The following ANO10 variants were observed in gnomAD, a reference collection of about 807,000 sequenced individuals.
The protein encoded by ANO10 is anoctamin 10.
Under a neutral mutation model 74.7 loss-of-function variants are expected in ANO10, and 77 were observed. The observed-to-expected ratio is 1.03, with a 90% CI of 0.86 to 1.25. The LOEUF is 1.25. Among genes scored for constraint, ANO10 ranks in the 50% most tolerant of loss-of-function variants. The pLI is 0.00. For synonymous variants in ANO10, 279 were observed against 284.9 expected (o/e 0.98, Z 0.21); for missense variants, 721 against 778.1 (o/e 0.93, Z 0.87).
chr3:43,432,696 G>A lies in ANO10; in HGVS notation c.1829C>T (p.Ala610Val), dbSNP rs771653072. The change falls in exon 12 of 13, where the codon GCA becomes GTA. Residue 610 changes from alanine to valine, a missense_variant. Coordinates refer to ENST00000292246, the MANE Select transcript of ANO10 (RefSeq NM_018075.5). The part of the protein sequence containing the change: ...HALLALKFIL[A>V]FAIPDKPRHI... ...CCGTGGCTTATCAGGTATGGCAAAT[G>A]CAAGTATAAACTTTAAAGCCAGGAG... 1.4e-5 allele frequency: 23 copies of A among 1,613,690 alleles called. No individual in the cohort carries two copies. In the South Asian group the frequency reaches 1.4e-4, roughly 10 times the overall value.
At chr3:43,556,671 C>A (rs2079766083) in intron 9 of ANO10, among the ~76,000 whole-genome samples, 2 of 152,144 alleles carry the variant, frequency 1.3e-5, no homozygotes, top group South Asian at 4.1e-4. Flanking sequence ...ACACAATCTA[C>A]CCTATTCTCT....
chr3:43,544,808 A>T (rs1200543074), intron 11 of ANO10, among the ~76,000 whole-genome samples: 4 of 151,648 alleles, frequency 2.6e-5, no homozygotes, highest in Non-Finnish European at 4.4e-5. Context: ...AAAAAAAAAA[A>T]AAAAAAAAAG....
chr3:43,526,125 A>G (rs2078185713), intron 11 of ANO10, among the ~76,000 whole-genome samples: 1 of 152,240 alleles, frequency 6.6e-6, no homozygotes, highest in Non-Finnish European at 1.5e-5. Context: ...GAAACCTTAA[A>G]AAGGCTGCCA....
intron 11 of ANO10, among the ~76,000 whole-genome samples, chr3:43,482,846 C>T (rs2076324053): frequency 6.6e-6 from 1 of 152,046 alleles, no homozygotes; most frequent in African/African-American, 2.4e-5. Context: ...CACCACTGGG[C>T]AGGGTACAGG....
At chr3:43,538,834 C>T (rs2078832065) in intron 11 of ANO10, among the ~76,000 whole-genome samples, 1 of 152,018 alleles carries the variant, frequency 6.6e-6, no homozygotes, top group Non-Finnish European at 1.5e-5. Flanking sequence ...AGAGGCTGCT[C>T]CTGGTAAGGA....
chr3:43,604,100 C>T (rs1432735708), intron 2 of ANO10, among the ~76,000 whole-genome samples: 2 of 152,074 alleles, frequency 1.3e-5, no homozygotes, highest in African/African-American at 2.4e-5. Flanking sequence ...TTTTAATTGG[C>T]ATATAATAAT....
At chr3:43,469,026 A>G (rs1575952124) in intron 11 of ANO10, among the ~76,000 whole-genome samples, 2 of 134,228 alleles carry the variant, frequency 1.5e-5, no homozygotes, top group Admixed American at 1.6e-4. Flanking sequence ...TCAATCCTAC[A>G]TCAATTAGCT....
At chr3:43,539,195 C>G (rs559452328) in intron 11 of ANO10, among the ~76,000 whole-genome samples, 138 of 152,168 alleles carry the variant, frequency 9.1e-4, no homozygotes, top group Non-Finnish European at 1.6e-3. Flanking sequence ...ACTTTTTCAA[C>G]GGGTCCCCTG....
chr3:43,566,346 G>A (rs1398673029), intron 7 of ANO10, among the ~76,000 whole-genome samples: 2 of 152,244 alleles, frequency 1.3e-5, no homozygotes, highest in Non-Finnish European at 2.9e-5. Context: ...AGCTGAAGGA[G>A]GCCTGCCTGC....
chr3:43,605,833 G>T lies in ANO10; in HGVS notation c.20C>A (p.Ala7Asp). The change falls in exon 2 of 13, where the codon GCT (alanine) becomes GAT (aspartate). Residue 7 changes from alanine (A) to aspartate (D), a missense_variant. Coordinates refer to ENST00000292246, the MANE Select transcript of ANO10 (RefSeq NM_018075.5). ...GAAAGAACTCTCAGAAGTATCCAAA[G>T]CTGATAAGGTCACTTTCATCTTTGA... MKVTLSALDTSESSFTP... is the reference protein window; with the variant it reads MKVTLSDLDTSESSFTP... The T allele has an allele frequency of 1.2e-6, 2 of 1,613,688 alleles. No individual in the cohort carries two copies. Among genetic ancestry groups the T allele is most frequent in the Non-Finnish European group, 1.7e-6 (2 of 1,179,752 alleles).
intron 11 of ANO10, chr3:43,485,893 G>C (rs1025915547): frequency 3.2e-5 from 8 of 249,206 alleles, no homozygotes; most frequent in Admixed American, 1.5e-4. Context: ...CGTCCTCTCC[G>C]CGCTCACCGC....
chr3:43,436,107 C>T (rs1020734627), intron 11 of ANO10, among the ~76,000 whole-genome samples: 1 of 152,142 alleles, frequency 6.6e-6, no homozygotes, highest in Non-Finnish European at 1.5e-5. Flanking sequence ...TGTGTTGTAG[C>T]CTGGAAGCCT....
chr3:43,562,175 G>A (rs1229315342), intron 8 of ANO10, among the ~76,000 whole-genome samples: 3 of 151,956 alleles, frequency 2.0e-5, no homozygotes, highest in Non-Finnish European at 2.9e-5. Flanking sequence ...GTTTGAGGCC[G>A]GGCACAGTGG....
chr3:43,535,905 G>A (rs1218409956), intron 11 of ANO10, among the ~76,000 whole-genome samples: 1 of 152,196 alleles, frequency 6.6e-6, no homozygotes, highest in Non-Finnish European at 1.5e-5. Flanking sequence ...GAATGAATAA[G>A]CAGGACTTGG....
intron 11 of ANO10, among the ~76,000 whole-genome samples, chr3:43,513,255 G>A (rs917798720): frequency 1.3e-5 from 2 of 152,324 alleles, no homozygotes; most frequent in South Asian, 4.1e-4. Context: ...TCACCAGAGA[G>A]AGTGTTTGGA....
At chr3:43,501,899 G>A (rs1024044825) in intron 11 of ANO10, among the ~76,000 whole-genome samples, 3 of 152,214 alleles carry the variant, frequency 2.0e-5, no homozygotes, top group Admixed American at 6.5e-5. Context: ...CTAAGCCACA[G>A]AGTACAAGAA....
intron 4 of ANO10, among the ~76,000 whole-genome samples, 175 bp from the exon 5 acceptor site, chr3:43,580,647 A>T (rs1281456232): frequency 6.6e-6 from 1 of 152,194 alleles, no homozygotes; most frequent in African/African-American, 2.4e-5. Context: ...TATCTTTACT[A>T]TTCTCTTTGA....
intron 10 of ANO10, among the ~76,000 whole-genome samples, chr3:43,554,592 T>C (rs2079645790): frequency 6.6e-6 from 1 of 152,176 alleles, no homozygotes; most frequent in South Asian, 2.1e-4. Context: ...TCTGACACCA[T>C]TCCAGCAAGG....
At chr3:43,407,235 C>T (rs2092592427) in intron 12 of ANO10, among the ~76,000 whole-genome samples, 1 of 152,046 alleles carries the variant, frequency 6.6e-6, no homozygotes, top group Non-Finnish European at 1.5e-5. Flanking sequence ...TCACCTGGTC[C>T]ACCTTGTCCA....
Sources: gnomAD v4.1 joint callset for allele counts (sites outside exome capture counted in the v4.1 genomes callset) on GRCh38, gnomAD v4.1.1 for gene constraint, MANE v1.5 for transcripts, NCBI Gene and HGNC (gene_info 2026-07-23, HGNC 2026-07-21) for gene names.